VPS8: variants seen among roughly 807,000 people sequenced by gnomAD.
VPS8 encodes vacuolar protein sorting-associated protein 8 homolog.
Under a neutral mutation model 216.4 loss-of-function variants are expected in VPS8, and 129 were observed. The observed-to-expected ratio is 0.60, with a 90% CI of 0.52 to 0.69. The LOEUF (loss-of-function observed/expected upper bound fraction) is 0.69, where lower values mean the gene tolerates loss of function less well. VPS8 is among the 30% of genes least tolerant of loss of function. The pLI is 0.00. For synonymous variants in VPS8, 571 were observed against 565.4 expected, an observed-to-expected ratio of 1.01 and a Z score of -0.14; for missense variants, 1,531 against 1,683.5, an observed-to-expected ratio of 0.91 and a Z score of 1.59.
intron 1 of VPS8, among the ~76,000 whole-genome samples, chr3:184,820,839 G>C (rs975516417): frequency 2.0e-5 from 3 of 152,162 alleles, no homozygotes; most frequent in Non-Finnish European, 4.4e-5. Context: ...TTTAGAATGA[G>C]TTAGTAACAA....
chr3:184,999,486 A>G (rs1753103104), intron 44 of VPS8, among the ~76,000 whole-genome samples: 1 of 152,252 alleles, frequency 6.6e-6, no homozygotes, highest in African/African-American at 2.4e-5. Context: ...TCGTACTCAC[A>G]ACATAAGTAT....
Position 184,924,867 on chromosome 3 carries a change from G to C in VPS8, c.2460G>C (p.Met820Ile), listed in dbSNP as rs745954835. Reference protein sequence around the residue: ...QRIVDILLKVMVENSDFTPSQ... With the variant: ...QRIVDILLKVIVENSDFTPSQ... ...TGGTCTCCTTTGCTCTTCAGGTTAT[G>C]GTGGAGAATTCAGACTTTACCCCCT... Residue 820 changes from methionine to isoleucine, a missense_variant, in exon 30 of 48, where the codon ATG becomes ATC. Met to Ile is a conservative substitution (Grantham distance 10, BLOSUM62 1). This residue lies in a region of VPS8 where 1,318 missense variants were observed against 1,468.4 expected (regional missense o/e 0.90). Transcript: ENST00000625842. The C allele has an allele frequency of 6.2e-7, 1 of 1,611,028 alleles. No homozygotes were observed. The highest frequency in any genetic ancestry group is 1.1e-5 in the South Asian group (1 of 90,948).
intron 46 of VPS8, among the ~76,000 whole-genome samples, chr3:185,047,047 C>G (rs1712000461): frequency 6.6e-6 from 1 of 152,180 alleles, no homozygotes; most frequent in Non-Finnish European, 1.5e-5. Flanking sequence ...TAAAGTTTTC[C>G]CTCTCACACT....
intron 3 of VPS8, among the ~76,000 whole-genome samples, chr3:184,827,574 A>G (rs375847972): frequency 2.0e-5 from 3 of 152,368 alleles, no homozygotes; most frequent in East Asian, 3.8e-4. Context: ...GTAAAATAAA[A>G]ATAATCTTAG....
At chr3:184,824,432 C>T (rs1014067482) in intron 1 of VPS8, 113 bp from the exon 2 acceptor site, 41 of 567,154 alleles carry the variant, frequency 7.2e-5, no homozygotes, top group Middle Eastern at 4.8e-4. Flanking sequence ...TGCCTGCAAT[C>T]GGATGTTTAG....
Position 184,894,854 on chromosome 3 carries a change from G to C in VPS8, c.1933G>C (p.Asp645His). The change falls in exon 23 of 48, where the codon GAT becomes CAT. Residue 645 changes from aspartate to histidine, a missense_variant. Physicochemically the swap from Asp to His is moderately conservative, Grantham distance 81. This residue lies in a region of VPS8 where 1,318 missense variants were observed against 1,468.4 expected (regional missense o/e 0.90). Transcript: ENST00000625842. ...GAAAGACTTGATTGTTCATTTCCAA[G>C]ATAAAAAATTAATGGAAAATGTGGA... Reference protein sequence around the residue: ...VMKDLIVHFQDKKLMENVEAL... With the variant: ...VMKDLIVHFQHKKLMENVEAL... 1 of 1,610,230 alleles carries C rather than the reference G, an allele frequency of 6.2e-7. No homozygotes were observed. The highest frequency in any genetic ancestry group is 1.1e-5 in the South Asian group (1 of 90,354).
intron 47 of VPS8, 126 bp from the exon 48 acceptor site, chr3:185,051,749 CA>C: frequency 8.3e-7 from 1 of 1,199,232 alleles, no homozygotes; most frequent in South Asian, 1.9e-5. Flanking sequence ...ACCTAAGATT[CA>C]AACCCTGCAT....
chr3:184,949,147 A>G (rs1371729793), intron 36 of VPS8, among the ~76,000 whole-genome samples: 1 of 152,108 alleles, frequency 6.6e-6, no homozygotes, highest in Non-Finnish European at 1.5e-5. Context: ...CTCTATAAAA[A>G]TTAGCAGGGC....
chr3:184,967,636 G>A (rs139670195), intron 39 of VPS8, among the ~76,000 whole-genome samples: 2 of 151,966 alleles, frequency 1.3e-5, no homozygotes, highest in Non-Finnish European at 2.9e-5. Context: ...TCAGGAGTTC[G>A]AGATCAGCCT....
At chr3:184,906,582 C>T (rs931325392) in intron 25 of VPS8, among the ~76,000 whole-genome samples, 2 of 152,106 alleles carry the variant, frequency 1.3e-5, no homozygotes, top group Non-Finnish European at 2.9e-5. Context: ...TACTCAAAAA[C>T]CCAATGAGGT....
chr3:184,891,484 A>C (rs564067346), intron 22 of VPS8, among the ~76,000 whole-genome samples: 68 of 152,174 alleles, frequency 4.5e-4, no homozygotes, highest in Non-Finnish European at 3.7e-4. Context: ...CTAATATCAA[A>C]GCTGGGGGAA....
At chr3:185,001,614 A>T (rs1753432747) in intron 45 of VPS8, among the ~76,000 whole-genome samples, 1 of 50,614 alleles carries the variant, frequency 2.0e-5, no homozygotes, top group South Asian at 1.0e-3. Flanking sequence ...AGGTTTCGTT[A>T]TGTAGTCATG....
chr3:184,994,863 G>T (rs4686942), intron 43 of VPS8, among the ~76,000 whole-genome samples: 135,188 of 152,258 alleles, frequency 0.89, 61,432 homozygotes, highest in Non-Finnish European at 0.98. Flanking sequence ...TACAGTTCCA[G>T]GTGGCTGGGG....
chr3:184,936,291 AC>A lies in VPS8; in HGVS notation c.2947del (p.His983ThrfsTer23). The A allele has an allele frequency of 2.5e-6, 4 of 1,611,928 alleles. No homozygotes were observed. The highest frequency in any genetic ancestry group is 3.4e-6 in the Non-Finnish European group (4 of 1,179,066). On this transcript the variant is annotated frameshift_variant, in exon 35 of 48. Coordinates refer to ENST00000625842, the MANE Select transcript of VPS8 (RefSeq NM_001009921.3). LOFTEE classifies it high-confidence loss of function. ...TTGTAAAGCTGCGGAGCTGGTTGCC[AC>A]CCACTTTTCTGGACATATTGAAACG... is the stretch of plus-strand genomic sequence containing the variant. ...KPCKAAELVA[T>X]HFSGHIETVI...
intron 29 of VPS8, among the ~76,000 whole-genome samples, chr3:184,920,706 T>C (rs1560685750): frequency 1.3e-5 from 2 of 152,252 alleles, no homozygotes; most frequent in Non-Finnish European, 2.9e-5. Context: ...CTGTTGCTAA[T>C]GAAGAATGCA....
intron 20 of VPS8, among the ~76,000 whole-genome samples, chr3:184,870,085 T>C (rs1023271741): frequency 6.6e-6 from 1 of 152,052 alleles, no homozygotes; most frequent in Non-Finnish European, 1.5e-5. Flanking sequence ...CCACAGAAAA[T>C]TGACATTTGT....
intron 36 of VPS8, among the ~76,000 whole-genome samples, chr3:184,955,310 G>A (rs1223177483): frequency 6.6e-6 from 1 of 152,164 alleles, no homozygotes; most frequent in Non-Finnish European, 1.5e-5. Context: ...GTAGATAGCA[G>A]TAGAAGAAAT....
chr3:184,996,638 C>A, intron 44 of VPS8, 137 bp downstream of exon 44: 1 of 963,218 alleles, frequency 1.0e-6, no homozygotes, highest in Non-Finnish European at 1.5e-6. Flanking sequence ...ACAGACCTTA[C>A]ATTCTGCATT....
At chr3:185,038,733 G>T (rs1014850598) in intron 46 of VPS8, among the ~76,000 whole-genome samples, 17 of 152,174 alleles carry the variant, frequency 1.1e-4, no homozygotes, top group African/African-American at 4.1e-4. Flanking sequence ...AGGGACAATG[G>T]CAGGCTTTTC....
Sources: gnomAD v4.1 joint callset for allele counts (sites outside exome capture counted in the v4.1 genomes callset) on GRCh38, gnomAD v4.1.1 for gene constraint, gnomAD v4.1.1 regional missense constraint, MANE v1.5 for transcripts, NCBI Gene and HGNC (gene_info 2026-07-23, HGNC 2026-07-21) for gene names.